The following MS4A10 variants were observed in gnomAD, a reference collection of about 807,000 sequenced individuals.
MS4A10 encodes membrane spanning 4-domains A10, also known as membrane-spanning 4-domains subfamily A member 10.
Under a neutral mutation model 27.7 loss-of-function variants are expected in MS4A10, and 27 were observed. That is an observed-to-expected ratio of 0.98 (90% confidence interval 0.72 to 1.35). The LOEUF (loss-of-function observed/expected upper bound fraction) is 1.35. Among genes scored for constraint, MS4A10 ranks in the 40% most tolerant of loss-of-function variants. The pLI is 0.00. For missense variants in MS4A10, 338 were observed against 324.7 expected (o/e 1.04, Z -0.32); for synonymous variants, 139 against 131.2 (o/e 1.06, Z -0.41).
chr11:60,791,917 C>T (rs1023024127), intron 3 of MS4A10, among the ~76,000 whole-genome samples: 1 of 152,126 alleles, frequency 6.6e-6, no homozygotes, highest in South Asian at 2.1e-4. Context: ...GAGAAACAGT[C>T]GGGGTGGAGG....
At chr11:60,798,082 G>A (rs1297721402) in intron 6 of MS4A10, among the ~76,000 whole-genome samples, 2 of 152,240 alleles carry the variant, frequency 1.3e-5, no homozygotes, top group Non-Finnish European at 2.9e-5. Context: ...CTTGGGTCAT[G>A]GCCCAGCCCC....
intron 1 of MS4A10, among the ~76,000 whole-genome samples, 159 bp downstream of exon 1, chr11:60,785,580 C>T (rs759681903): frequency 6.6e-6 from 1 of 152,092 alleles, no homozygotes; most frequent in African/African-American, 2.4e-5. Flanking sequence ...AGGGTTGGAG[C>T]GGTGTTACTT....
At chr11:60,791,214 C>T (rs1002677026) in intron 3 of MS4A10, 121 bp downstream of exon 3, 16 of 1,303,412 alleles carry the variant, frequency 1.2e-5, no homozygotes, top group African/African-American at 5.9e-5. Context: ...GCGGCAGAAG[C>T]GAGGCCCTTT....
intron 4 of MS4A10, 51 bp downstream of exon 4, chr11:60,792,372 T>C: frequency 1.5e-6 from 2 of 1,354,640 alleles, no homozygotes; most frequent in Admixed American, 1.7e-5. Context: ...TGGCATAACT[T>C]TGTTAAGGGC....
At chr11:60,794,772 T>C (rs559722514) in intron 5 of MS4A10, among the ~76,000 whole-genome samples, 48 of 152,242 alleles carry the variant, frequency 3.2e-4, no homozygotes, top group African/African-American at 1.1e-3. Context: ...GCCTCCCAGA[T>C]TCAAGCAATT....
chr11:60,798,475 G>A lies in MS4A10; in HGVS notation c.683G>A (p.Ser228Asn). Residue 228 changes from serine (S) to asparagine (N), a missense_variant, in exon 7 of 8, where the codon AGT (serine) becomes AAT (asparagine). Coordinates refer to ENST00000308287, the MANE Select transcript of MS4A10 (RefSeq NM_206893.4). ...LPVEPPPSYQ[S>N]VIQGDAQHKQ... ...GTGGAGCCCCCGCCATCCTACCAGAGTGTGATTCAAGGCGACGCACAACAC... is the reference window on the plus strand; with the variant it reads ...GTGGAGCCCCCGCCATCCTACCAGAATGTGATTCAAGGCGACGCACAACAC... 6.2e-7 allele frequency: 1 copy of A among 1,614,130 alleles called. No homozygotes were observed. Among genetic ancestry groups the A allele is most frequent in the Non-Finnish European group, 8.5e-7 (1 of 1,180,008 alleles).
intron 1 of MS4A10, 78 bp from the exon 2 acceptor site, chr11:60,790,236 G>C (rs570002860): frequency 8.1e-7 from 1 of 1,227,852 alleles, no homozygotes; most frequent in South Asian, 1.4e-5. Flanking sequence ...CTTAAACAGA[G>C]GTGATTGGCA....
chr11:60,798,429 T>A lies in MS4A10; in HGVS notation c.637T>A (p.Leu213Met). Residue 213 changes from leucine (L) to methionine (M), a missense_variant, in exon 7 of 8, where the codon TTG becomes ATG. Leu to Met is a conservative substitution (Grantham distance 15). Transcript: ENST00000308287. ...TGCATGCCTTGTTCCGAATACACCATTGCATCTCAAAGGCCTGCCGGTGGA... is the reference window on the plus strand; with the variant it reads ...TGCATGCCTTGTTCCGAATACACCAATGCATCTCAAAGGCCTGCCGGTGGA... Reference protein sequence around the residue: ...DDACLVPNTPLHLKGLPVEPP... With the variant: ...DDACLVPNTPMHLKGLPVEPP... The A allele has an allele frequency of 1.9e-6, 3 of 1,614,080 alleles. No homozygotes were observed. The highest frequency in any genetic ancestry group is 2.5e-6 in the Non-Finnish European group (3 of 1,179,960).
In MS4A10 at chr11:60,798,380, G is replaced by T; in HGVS notation, c.604-16G>T. The T allele has an allele frequency of 6.2e-7, 1 of 1,604,426 alleles. No individual in the cohort carries two copies. The highest frequency in any genetic ancestry group is 1.1e-5 in the South Asian group (1 of 90,760). ...CACAGCTGTGAGCAGCAGGGGCGGC[G>T]ACTTTTCTTTCGCAGAATGATGATG... is the stretch of plus-strand genomic sequence containing the variant. On this transcript the variant is annotated splice_polypyrimidine_tract_variant and intron_variant, in intron 6 of 7. Transcript: ENST00000308287.
At position 60,798,443 on chromosome 11, in the gene MS4A10, C is replaced by G. The variant is rs545929205; in HGVS notation, c.651C>G (p.Gly217=). The change falls in exon 7 of 8, where the codon GGC becomes GGG. Residue 217 remains glycine (G), a synonymous_variant. Transcript: ENST00000308287. ...LVPNTPLHLK[G]LPVEPPPSYQ... is the part of the protein sequence containing the mutation. ...CGAATACACCATTGCATCTCAAAGG[C>G]CTGCCGGTGGAGCCCCCGCCATCCT... The G allele has an allele frequency of 1.9e-6, 3 of 1,614,166 alleles. No homozygotes were observed. Among genetic ancestry groups the G allele is most frequent in the Non-Finnish European group, 8.5e-7 (1 of 1,180,014 alleles).
At chr11:60,787,258 C>T (rs1312898401) in intron 1 of MS4A10, among the ~76,000 whole-genome samples, 2 of 152,158 alleles carry the variant, frequency 1.3e-5, no homozygotes, top group African/African-American at 4.8e-5. Flanking sequence ...CCTTTATGCA[C>T]CAAACAGCCT....
intron 6 of MS4A10, among the ~76,000 whole-genome samples, chr11:60,796,158 T>C (rs941121031): frequency 1.3e-5 from 2 of 151,762 alleles, no homozygotes; most frequent in Non-Finnish European, 2.9e-5. Context: ...ATTTAAGGAA[T>C]TGCAGGGACT....
chr11:60,798,572 C>A, intron 7 of MS4A10, 58 bp downstream of exon 7: 1 of 1,331,400 alleles, frequency 7.5e-7, no homozygotes, highest in South Asian at 1.2e-5. Context: ...GGCCCCTTCT[C>A]CCTGGCATAG....
chr11:60,793,975 ATGT>A lies in MS4A10; in HGVS notation c.368_370del (p.Leu123del), dbSNP rs761589052. 22 of 1,613,820 alleles carry A rather than the reference ATGT, an allele frequency of 1.4e-5. No homozygotes were observed. The highest frequency in any genetic ancestry group is 1.9e-5 in the Non-Finnish European group (22 of 1,180,004). ...TACCTTTATTTTTCACCTATAGAAG[ATGT>A]TGTGCCTGATGACAAACCTCATCAG... On this transcript the variant is annotated inframe_deletion, in exon 5 of 8. Transcript: ENST00000308287.
At chr11:60,793,648 G>A (rs946929457) in intron 4 of MS4A10, among the ~76,000 whole-genome samples, 9 of 152,192 alleles carry the variant, frequency 5.9e-5, no homozygotes, top group Non-Finnish European at 7.3e-5. Context: ...TAGGATGGTC[G>A]GGGCTGGCTT....
chr11:60,786,915 C>T (rs111849017), intron 1 of MS4A10, among the ~76,000 whole-genome samples: 9 of 152,324 alleles, frequency 5.9e-5, no homozygotes, highest in Admixed American at 1.3e-4. Context: ...TGTAAAAAAC[C>T]GGCCCAAGGT....
rs542691789 is a variant in MS4A10, at chr11:60,788,414, A to G, written c.-22-1900A>G. On this transcript the variant is annotated intron_variant, in intron 1 of 7. Transcript: ENST00000308287. ...CAGTTCCATCCAAGGCAGCTCTACT[A>G]AGAAGTCCCTCTTCTTCTGTTCTTT... 3.9e-5 allele frequency among the ~76,000 whole-genome samples: 6 copies of G among 152,304 alleles called. No individual in the cohort carries two copies. The South Asian group carries it at 8.3e-4, about 21-fold the overall frequency.
intron 3 of MS4A10, among the ~76,000 whole-genome samples, chr11:60,791,598 A>G (rs1854431760): frequency 6.6e-6 from 1 of 152,156 alleles, no homozygotes; most frequent in Non-Finnish European, 1.5e-5. Flanking sequence ...GTCTCCAGGG[A>G]GCCCACCCCA....
intron 3 of MS4A10, 65 bp downstream of exon 3, chr11:60,791,158 C>A: frequency 6.3e-7 from 1 of 1,594,840 alleles, no homozygotes. Context: ...GAGGCCCTGG[C>A]ATTTGGGACA....
Sources: gnomAD v4.1 joint callset for allele counts (sites outside exome capture counted in the v4.1 genomes callset) on GRCh38, gnomAD v4.1.1 for gene constraint, MANE v1.5 for transcripts, NCBI Gene and HGNC (gene_info 2026-07-23, HGNC 2026-07-21) for gene names.